The following RBFOX1 variants were observed in gnomAD, a reference collection of about 807,000 sequenced individuals.
The protein encoded by RBFOX1 is RNA binding protein fox-1 homolog 1.
Under a neutral mutation model 57.7 loss-of-function variants are expected in RBFOX1, and 8 were observed. That is an observed-to-expected ratio of 0.14 (90% CI 0.08 to 0.25). The LOEUF is 0.25. Among genes scored for constraint, RBFOX1 ranks in the 10% least tolerant of loss-of-function variants. The probability of loss-of-function intolerance (pLI) is 1.00; values close to 1 mark genes in which losing one functional copy is unlikely to be tolerated. For missense variants in RBFOX1, 611 were observed against 548.5 expected, an observed-to-expected ratio of 1.11 and a Z score of -1.14; for synonymous variants, 326 against 222.4, an observed-to-expected ratio of 1.47 and a Z score of -4.15.
At position 6,648,991 on chromosome 16, in the gene RBFOX1, A is replaced by AT. The variant is rs201878992; in HGVS notation, c.-63-5608dup. ...ACACATAACATCTACTTTCTTAGCA[A>AT]TTTTCAAGATTACAACATGTTGTGA... is the stretch of plus-strand genomic sequence containing the variant. On this transcript the variant is annotated intron_variant, in intron 2 of 15. Transcript: ENST00000550418. Among the ~76,000 whole-genome samples the AT allele has an allele frequency of 3.5e-4, 53 of 152,130 alleles. No individual in the cohort carries two copies. The East Asian group carries it at 7.9e-3, about 23-fold the overall frequency.
At chr16:7,520,613 T>G (rs915155731) in intron 5 of RBFOX1, among the ~76,000 whole-genome samples, 1 of 152,238 alleles carries the variant, frequency 6.6e-6, no homozygotes, top group Non-Finnish European at 1.5e-5. Flanking sequence ...CACATTCTGG[T>G]TCTTCTGAAC....
chr16:7,460,220 G>T (rs565211792), intron 4 of RBFOX1, among the ~76,000 whole-genome samples: 6 of 151,412 alleles, frequency 4.0e-5, no homozygotes, highest in African/African-American at 1.5e-4. Flanking sequence ...GACATCATGT[G>T]GAAACTGCAA....
chr16:5,334,246 T>G (rs1292607266), intron 1 of RBFOX1, among the ~76,000 whole-genome samples: 2 of 152,202 alleles, frequency 1.3e-5, no homozygotes, highest in Non-Finnish European at 2.9e-5. Flanking sequence ...GGCTGGTATG[T>G]CTCTGCTCAG....
chr16:6,477,056 C>G (rs1450801673), intron 2 of RBFOX1, among the ~76,000 whole-genome samples: 1 of 152,170 alleles, frequency 6.6e-6, no homozygotes, highest in Non-Finnish European at 1.5e-5. Context: ...ACTTGTAATT[C>G]TAGTTCTTTA....
intron 6 of RBFOX1, among the ~76,000 whole-genome samples, chr16:7,583,700 A>G (rs924485816): frequency 2.0e-5 from 3 of 152,114 alleles, no homozygotes; most frequent in African/African-American, 7.2e-5. Flanking sequence ...CCTCTTGGCC[A>G]GGCATGATGG....
intron 4 of RBFOX1, among the ~76,000 whole-genome samples, chr16:5,969,207 G>A (rs2152296848): frequency 6.7e-6 from 1 of 150,162 alleles, no homozygotes; most frequent in Admixed American, 6.6e-5. Flanking sequence ...TCTCTGGCAT[G>A]CTTTTGTTAT....
intron 11 of RBFOX1, among the ~76,000 whole-genome samples, chr16:7,651,419 C>T (rs2065035046): frequency 1.3e-5 from 2 of 152,210 alleles, no homozygotes; most frequent in South Asian, 2.1e-4. Context: ...AAGTGCACTA[C>T]ATGGTCACCC....
intron 2 of RBFOX1, among the ~76,000 whole-genome samples, chr16:5,569,250 C>T (rs989641881): frequency 3.3e-5 from 5 of 151,774 alleles, no homozygotes; most frequent in African/African-American, 9.7e-5. Flanking sequence ...GACTGACCAA[C>T]CCCGGTGTAG....
intron 4 of RBFOX1, among the ~76,000 whole-genome samples, chr16:7,204,173 A>T (rs776991524): frequency 6.6e-6 from 1 of 152,344 alleles, no homozygotes; most frequent in Admixed American, 6.5e-5. Context: ...TTCTCAGAGT[A>T]ACCATTCATT....
chr16:5,824,972 A>G (rs551711512), intron 3 of RBFOX1, among the ~76,000 whole-genome samples: 2 of 151,960 alleles, frequency 1.3e-5, no homozygotes, highest in Non-Finnish European at 2.9e-5. Flanking sequence ...GAGGGTCAAC[A>G]CTCTTACTCC....
intron 14 of RBFOX1, among the ~76,000 whole-genome samples, chr16:7,708,743 C>T (rs1325377110): frequency 6.6e-6 from 1 of 152,168 alleles, no homozygotes; most frequent in Non-Finnish European, 1.5e-5. Context: ...TTCTTACCTA[C>T]CTCAGTCTCT....
At chr16:6,880,534 G>C (rs1394346559) in intron 3 of RBFOX1, among the ~76,000 whole-genome samples, 1 of 152,196 alleles carries the variant, frequency 6.6e-6, no homozygotes, top group African/African-American at 2.4e-5. Context: ...TTGCTAGTCA[G>C]GTTAGACAGC....
chr16:5,765,608 G>T (rs1340922448), intron 3 of RBFOX1, among the ~76,000 whole-genome samples: 1 of 152,200 alleles, frequency 6.6e-6, no homozygotes, highest in Non-Finnish European at 1.5e-5. Flanking sequence ...GCAGGTGGCT[G>T]CTATGGATTC....
chr16:5,471,451 T>G (rs2069131927), intron 2 of RBFOX1, among the ~76,000 whole-genome samples: 1 of 152,142 alleles, frequency 6.6e-6, no homozygotes, highest in Non-Finnish European at 1.5e-5. Context: ...TCTATGAAAC[T>G]AACAGAGAGG....
intron 3 of RBFOX1, among the ~76,000 whole-genome samples, chr16:6,675,773 C>T (rs2057529713): frequency 2.0e-5 from 3 of 152,078 alleles, no homozygotes; most frequent in Admixed American, 6.6e-5. Context: ...TACTCACTAC[C>T]ACAAGAACAG....
chr16:6,507,586 A>G (rs1295244723), intron 2 of RBFOX1, among the ~76,000 whole-genome samples: 1 of 150,600 alleles, frequency 6.6e-6, no homozygotes, highest in African/African-American at 2.4e-5. Flanking sequence ...TGGGAGGATC[A>G]CTTGAGCCCA....
intron 3 of RBFOX1, among the ~76,000 whole-genome samples, chr16:6,793,064 A>G (rs2083282503): frequency 6.6e-6 from 1 of 151,898 alleles, no homozygotes; most frequent in Admixed American, 6.6e-5. Flanking sequence ...AATGCTGTAC[A>G]TCTGTTAGCC....
chr16:7,569,235 T>A (rs1160608164), intron 5 of RBFOX1, among the ~76,000 whole-genome samples: 1 of 152,124 alleles, frequency 6.6e-6, no homozygotes. Context: ...AACACAAGTA[T>A]ATTAGGTTAC....
At chr16:7,027,210 G>A (rs888377504) in intron 3 of RBFOX1, among the ~76,000 whole-genome samples, 31 of 152,066 alleles carry the variant, frequency 2.0e-4, no homozygotes, top group African/African-American at 7.5e-4. Flanking sequence ...GAACTCTCCA[G>A]CGCACAGAAA....
Sources: gnomAD v4.1 joint callset for allele counts (sites outside exome capture counted in the v4.1 genomes callset) on GRCh38, gnomAD v4.1.1 for gene constraint, MANE v1.5 for transcripts, NCBI Gene and HGNC (gene_info 2026-07-23, HGNC 2026-07-21) for gene names.